MAP3K20: variants seen among roughly 807,000 people sequenced by gnomAD.
MAP3K20 encodes the protein HCCS-4.
MAP3K20 carries 40 observed loss-of-function variants against 85.7 expected under a neutral mutation model. That is an observed-to-expected ratio of 0.47 (90% confidence interval 0.36 to 0.61). The LOEUF is 0.61. MAP3K20 is among the 20% of genes least tolerant of loss of function. The pLI is 0.00. For synonymous variants in MAP3K20, 325 were observed against 327.7 expected, an observed-to-expected ratio of 0.99 and a Z score of 0.09; for missense variants, 817 against 961.7, an observed-to-expected ratio of 0.85 and a Z score of 1.99.
In MAP3K20 at chr2:173,186,851, A is replaced by G. The variant is rs569073364; in HGVS notation, c.350-707A>G. Among the ~76,000 whole-genome samples, 8 of 152,348 alleles carry G rather than the reference A, an allele frequency of 5.3e-5. No individual in the cohort carries two copies. The South Asian group carries it at 1.0e-3, about 20-fold the overall frequency. On this transcript the variant is annotated intron_variant, in intron 4 of 19. Coordinates refer to ENST00000375213, the MANE Select transcript of MAP3K20 (RefSeq NM_016653.3). ...TCTTTAAAGTATAATTTTATATTCA[A>G]AATAATAAAGCTCTATAAATATGAT...
At chr2:173,255,665 C>A (rs1685141269) in intron 16 of MAP3K20, among the ~76,000 whole-genome samples, 1 of 152,190 alleles carries the variant, frequency 6.6e-6, no homozygotes. Flanking sequence ...AGCTTGAAGT[C>A]ATGGGAGAGC....
intron 16 of MAP3K20, among the ~76,000 whole-genome samples, chr2:173,242,956 C>T (rs940715719): frequency 2.6e-5 from 4 of 152,160 alleles, no homozygotes; most frequent in Admixed American, 1.3e-4. Context: ...CCACCCGGCT[C>T]GACCTCCCAA....
intron 14 of MAP3K20, among the ~76,000 whole-genome samples, chr2:173,233,916 C>A (rs560514306): frequency 6.6e-6 from 1 of 152,154 alleles, no homozygotes; most frequent in Non-Finnish European, 1.5e-5. Context: ...GCTGTCTTCT[C>A]CCTCTTAGAA....
chr2:173,147,417 T>C (rs1689166190), intron 2 of MAP3K20, among the ~76,000 whole-genome samples: 1 of 152,234 alleles, frequency 6.6e-6, no homozygotes, highest in Non-Finnish European at 1.5e-5. Flanking sequence ...TCTTACATCT[T>C]ATTAGCCAGG....
chr2:173,209,155 T>A (rs970891871), intron 9 of MAP3K20, among the ~76,000 whole-genome samples: 55 of 152,258 alleles, frequency 3.6e-4, no homozygotes, highest in Middle Eastern at 6.8e-3. Flanking sequence ...GTCATGGAGG[T>A]TTGGAGTACA....
At chr2:173,214,139 A>T (rs775298902) in intron 10 of MAP3K20, 1 of 152,256 alleles carries the variant, frequency 6.6e-6, no homozygotes, top group African/African-American at 2.4e-5. Context: ...TTATTCTGAA[A>T]TTCTTTTTAA....
Position 173,090,867 on chromosome 2 carries a change from T to G in MAP3K20, c.-34-131T>G. Reference sequence around the variant, plus strand: ...CGAATTGTTTATAATCTTGCTTTTCTTCTTCCTAAGTCACCGTGACTTTCT... The same window carrying G: ...CGAATTGTTTATAATCTTGCTTTTCGTCTTCCTAAGTCACCGTGACTTTCT... On this transcript the variant is annotated intron_variant, in intron 1 of 19. Transcript: ENST00000375213. 5.2e-6 allele frequency: 7 copies of G among 1,358,664 alleles called. No homozygotes were observed. In the South Asian group the frequency reaches 1.4e-4, roughly 27 times the overall value. 84.2% of individuals were successfully genotyped at this position (1,358,664 alleles called of 1,614,324 possible).
intron 2 of MAP3K20, among the ~76,000 whole-genome samples, chr2:173,148,873 G>A (rs1362058632): frequency 6.6e-6 from 1 of 152,192 alleles, no homozygotes; most frequent in Non-Finnish European, 1.5e-5. Context: ...TGGGTCCTGA[G>A]GTTCCATTAA....
intron 10 of MAP3K20, among the ~76,000 whole-genome samples, chr2:173,216,520 T>TTA (rs1553585565): frequency 8.6e-5 from 13 of 151,048 alleles, no homozygotes; most frequent in Admixed American, 2.6e-4. Flanking sequence ...GTTTTTTTTT[T>TTA]AAAAAACAAG....
intron 2 of MAP3K20, among the ~76,000 whole-genome samples, chr2:173,150,363 G>A (rs895355744): frequency 6.6e-6 from 1 of 152,174 alleles, no homozygotes; most frequent in Admixed American, 6.5e-5. Context: ...GACTATGCAG[G>A]ATGACATGTG....
chr2:173,183,557 G>T (rs1690393943), intron 4 of MAP3K20, among the ~76,000 whole-genome samples: 1 of 151,874 alleles, frequency 6.6e-6, no homozygotes, highest in Non-Finnish European at 1.5e-5. Context: ...TTGCATAGAT[G>T]AATGCTTTCT....
At chr2:173,118,939 G>C (rs1688199894) in intron 2 of MAP3K20, among the ~76,000 whole-genome samples, 2 of 152,204 alleles carry the variant, frequency 1.3e-5, no homozygotes, top group South Asian at 4.1e-4. Context: ...ATAATACCAT[G>C]ATATAGTAGA....
chr2:173,221,487 A>G, intron 11 of MAP3K20: 1 of 1,608,032 alleles, frequency 6.2e-7, no homozygotes, highest in Non-Finnish European at 8.5e-7. Flanking sequence ...GATGATGATG[A>G]TGACGGTGAG....
At chr2:173,129,308 G>T (rs1379566283) in intron 2 of MAP3K20, among the ~76,000 whole-genome samples, 1 of 152,084 alleles carries the variant, frequency 6.6e-6, no homozygotes, top group Non-Finnish European at 1.5e-5. Context: ...TATTTACTAT[G>T]CTAAGCTCTT....
intron 2 of MAP3K20, among the ~76,000 whole-genome samples, chr2:173,101,427 T>G (rs1339777885): frequency 6.6e-6 from 1 of 152,240 alleles, no homozygotes; most frequent in East Asian, 1.9e-4. Context: ...ATTAAAGTAT[T>G]ATTGATCTCA....
intron 16 of MAP3K20, among the ~76,000 whole-genome samples, chr2:173,255,129 G>T (rs1685128748): frequency 6.6e-6 from 1 of 152,190 alleles, no homozygotes; most frequent in African/African-American, 2.4e-5. Context: ...AAAAATAAAA[G>T]GTCTCTAACC....
chr2:173,077,053 A>G (rs1370423578), intron 1 of MAP3K20, among the ~76,000 whole-genome samples: 3 of 112,222 alleles, frequency 2.7e-5, no homozygotes, highest in African/African-American at 8.2e-5. Context: ...TGTAATAATG[A>G]AAGCAACACA....
chr2:173,121,922 T>C (rs980850179), intron 2 of MAP3K20, among the ~76,000 whole-genome samples: 1 of 152,198 alleles, frequency 6.6e-6, no homozygotes, highest in African/African-American at 2.4e-5. Context: ...ATGGCCACTT[T>C]GTTCATGGCC....
In MAP3K20 at chr2:173,263,866, A is replaced by T. The variant is rs748030562; in HGVS notation, c.1673A>T (p.Asp558Val). Reference sequence around the variant, plus strand: ...ATTCAGACATTATTCACCAATTCAGATGGCAACCCTGGAAGCAGGTCCGAC... The same window carrying T: ...ATTCAGACATTATTCACCAATTCAGTTGGCAACCCTGGAAGCAGGTCCGAC... ...LAIQTLFTNS[D>V]GNPGSRSDSS... Residue 558 changes from aspartate (D) to valine (V), a missense_variant, in exon 19 of 20, where the codon GAT becomes GTT. Coordinates refer to ENST00000375213, the MANE Select transcript of MAP3K20 (RefSeq NM_016653.3). 1.2e-6 allele frequency: 2 copies of T among 1,612,384 alleles called. No homozygotes were observed. The highest frequency in any genetic ancestry group is 2.2e-5 in the South Asian group (2 of 90,546).
Sources: gnomAD v4.1 joint callset for allele counts (sites outside exome capture counted in the v4.1 genomes callset) on GRCh38, gnomAD v4.1.1 for gene constraint, MANE v1.5 for transcripts, NCBI Gene and HGNC (gene_info 2026-07-23, HGNC 2026-07-21) for gene names.